Variants in NKD2 observed in about 807,000 individuals in gnomAD.
NKD2 encodes the protein NKD inhibitor of Wnt signaling pathway 2.
Under a neutral mutation model 34.8 loss-of-function variants are expected in NKD2, and 43 were observed. The ratio of observed to expected loss-of-function variants is 1.24; its 90% CI spans 0.97 to 1.60. NKD2 has a LOEUF of 1.60. NKD2 is among the 40% of genes most tolerant of loss of function. NKD2 has a pLI of 0.00. For missense variants in NKD2, 675 were observed against 627.1 expected, an observed-to-expected ratio of 1.08 and a Z score of -0.82; for synonymous variants, 278 against 265.1, an observed-to-expected ratio of 1.05 and a Z score of -0.47.
In NKD2 at chr5:1,009,061, G is replaced by A. The variant is rs1458277064; in HGVS notation, c.4G>A (p.Gly2Arg). The change falls in exon 1 of 10, where the codon GGG becomes AGG. Residue 2 changes from glycine (G) to arginine (R), a missense_variant. Transcript: ENST00000296849. The surrounding 1 kb of genome is among the most constrained non-coding windows in gnomAD (Gnocchi z 6.9). Reference sequence around the variant, plus strand: ...CCGGCGGGGCGTGGCGGCGGCGATGGGGAAACTGCAGTCGAAGCACGGTGA... The same window carrying A: ...CCGGCGGGGCGTGGCGGCGGCGATGAGGAAACTGCAGTCGAAGCACGGTGA... MGKLQSKHAAAA... is the reference protein window; with the variant it reads MRKLQSKHAAAA... The A allele has an allele frequency of 2.3e-5, 10 of 437,860 alleles. No homozygotes were observed. In the Middle Eastern group the frequency reaches 4.8e-3, roughly 210 times the overall value. The allele number at this position is 437,860 out of a possible 1,614,324, so 27.1% of individuals were successfully genotyped here. A position where few individuals can be genotyped will look rare whatever the true frequency, so the allele number is the denominator to read the frequency against.
At chr5:1,032,545 C>T (rs191717947) in intron 4 of NKD2, among the ~76,000 whole-genome samples, 55 of 152,354 alleles carry the variant, frequency 3.6e-4, no homozygotes, top group Admixed American at 1.6e-3. Flanking sequence ...CAAGTTAGCC[C>T]TGGGCTGGAG....
intron 3 of NKD2, among the ~76,000 whole-genome samples, chr5:1,020,357 CAT>C (rs974779977): frequency 6.6e-6 from 1 of 152,170 alleles, no homozygotes; most frequent in Admixed American, 6.5e-5. Flanking sequence ...GTTACACACA[CAT>C]GTACGTAGGT....
rs78721185 is a variant in NKD2 at position 1,026,523 on chromosome 5, G to C, written c.142-5629G>C. Among the ~76,000 whole-genome samples the C allele has an allele frequency of 1.5e-5, 2 of 129,442 alleles. 1 individual carries two copies. Among genetic ancestry groups the C allele is most frequent in the Admixed American group, 1.6e-4 (2 of 12,716 alleles). 84.9% of individuals were successfully genotyped at this position (129,442 alleles called of 152,430 possible). On this transcript the variant is annotated intron_variant, in intron 3 of 9. Transcript: ENST00000296849. ...CCCATTGTCCCTGCTCTTCCCACCC[G>C]CTGTGGGTGTCCCAGCCCATTGTCC...
chr5:1,021,300 G>T (rs931394672), intron 3 of NKD2, among the ~76,000 whole-genome samples: 1 of 149,470 alleles, frequency 6.7e-6, no homozygotes. Flanking sequence ...CGGCTCCCCT[G>T]CCCGGTCCCC....
chr5:1,021,462 T>C (rs1756182649), intron 3 of NKD2, among the ~76,000 whole-genome samples: 1 of 148,438 alleles, frequency 6.7e-6, no homozygotes, highest in Admixed American at 6.7e-5. Flanking sequence ...TCATAGTACT[T>C]AAATCTTTCA....
chr5:1,021,785 C>T (rs1372404694), intron 3 of NKD2, among the ~76,000 whole-genome samples: 2 of 152,036 alleles, frequency 1.3e-5, no homozygotes, highest in African/African-American at 4.8e-5. Flanking sequence ...GTGGCAGGTT[C>T]CCCCCTCCCA....
At chr5:1,035,047 G>GGTGA (rs752186705) in intron 7 of NKD2, 144 bp downstream of exon 7, 8 of 752,826 alleles carry the variant, frequency 1.1e-5, no homozygotes, top group African/African-American at 3.5e-5. Context: ...TGAGTAAGTG[G>GGTGA]GTGAGTGAGT....
chr5:1,015,768 G>A (rs1020595343), intron 3 of NKD2, among the ~76,000 whole-genome samples: 3 of 152,332 alleles, frequency 2.0e-5, no homozygotes, highest in South Asian at 4.1e-4. Context: ...GAACCCGAGG[G>A]GGCCTGTGCT....
Position 1,009,241 on chromosome 5 carries a change from C to T in NKD2, c.61+27C>T. ...TGAGCGGGCGAGCCGACGGGCGGGG[C>T]GGGGGGCGGCGACCCGGCCCGGGAC... On this transcript the variant is annotated intron_variant, in intron 2 of 9. Transcript: ENST00000296849. This position sits in a 1 kb window ranked among gnomAD's most constrained non-coding sequence, Gnocchi z 6.9. 1 of 488,970 alleles carries T rather than the reference C, an allele frequency of 2.0e-6. No homozygotes were observed. The highest frequency in any genetic ancestry group is 4.3e-5 in the Admixed American group (1 of 23,240). 30.3% of individuals were successfully genotyped at this position (488,970 alleles called of 1,614,324 possible). A position where few individuals can be genotyped will look rare whatever the true frequency, so the allele number is the denominator to read the frequency against.
rs780596798 is a variant in NKD2 at position 1,009,511 on chromosome 5, G to A, written c.92G>A (p.Ser31Asn). The change falls in exon 3 of 10, where the codon AGC (serine) becomes AAC (asparagine). Residue 31 changes from serine to asparagine, a missense_variant. By Grantham distance (46) the Ser-to-Asn change is conservative. Coordinates refer to ENST00000296849, the MANE Select transcript of NKD2 (RefSeq NM_033120.4). The surrounding 1 kb of genome is among the most constrained non-coding windows in gnomAD (Gnocchi z 6.9). ...AGCTTCGTGGCGTCCGCGTACGCGA[G>A]CGGCCGCAAAGGCGCGGAGGAAGCG... is the stretch of plus-strand genomic sequence containing the variant. ...GDSFVASAYA[S>N]GRKGAEEAER... 13 of 1,498,190 alleles carry A rather than the reference G, an allele frequency of 8.7e-6. No individual in the cohort carries two copies. The highest frequency in any genetic ancestry group is 2.1e-4 in the Middle Eastern group (1 of 4,808). 92.8% of individuals were successfully genotyped at this position (1,498,190 alleles called of 1,614,324 possible).
Position 1,009,319 on chromosome 5 carries a change from A to G in NKD2, c.61+105A>G. 1.9e-6 allele frequency: 1 copy of G among 516,518 alleles called. No individual in the cohort carries two copies. Among genetic ancestry groups the G allele is most frequent in the South Asian group, 2.9e-5 (1 of 34,224 alleles). 32.0% of individuals were successfully genotyped at this position (516,518 alleles called of 1,614,324 possible). ...CTGCCCTGGAGCCAGCAGTGGGGGG[A>G]CGGGGCCGCGGGTCTCCAGGAGCGC... On this transcript the variant is annotated intron_variant, in intron 2 of 9. Transcript: ENST00000296849. This position sits in a 1 kb window ranked among gnomAD's most constrained non-coding sequence, Gnocchi z 6.9.
rs1756442916 is a variant in NKD2 at position 1,027,021 on chromosome 5, G to T, written c.142-5131G>T. Among the ~76,000 whole-genome samples, 3 of 152,390 alleles carry T rather than the reference G, an allele frequency of 2.0e-5. No individual in the cohort carries two copies. The South Asian group carries it at 6.2e-4, about 32-fold the overall frequency. On this transcript the variant is annotated intron_variant, in intron 3 of 9. Coordinates refer to ENST00000296849, the MANE Select transcript of NKD2 (RefSeq NM_033120.4). ...AGGATTAGCCCTGCAGAACAGGGTG[G>T]CCACAGGGGTGGTGACAATGACCAC...
intron 3 of NKD2, among the ~76,000 whole-genome samples, chr5:1,019,799 A>C (rs1756103448): frequency 6.6e-6 from 1 of 152,226 alleles, no homozygotes; most frequent in Admixed American, 6.5e-5. Context: ...CTTTGGAATT[A>C]ATCTTCCTTT....
intron 3 of NKD2, among the ~76,000 whole-genome samples, chr5:1,022,301 T>C (rs866917110): frequency 0.013 from 559 of 42,384 alleles, 12 homozygotes; most frequent in African/African-American, 0.034. Context: ...CCGCTGTGGG[T>C]GTCCCAGCCC....
At chr5:1,035,163 A>G (rs1560999297) in intron 7 of NKD2, among the ~76,000 whole-genome samples, 2 of 138,048 alleles carry the variant, frequency 1.4e-5, no homozygotes, top group South Asian at 2.3e-4. Context: ...TTAATGAATG[A>G]GTGAGTGTTA....
intron 3 of NKD2, among the ~76,000 whole-genome samples, chr5:1,019,899 A>T (rs1398915299): frequency 6.6e-6 from 1 of 152,198 alleles, no homozygotes; most frequent in African/African-American, 2.4e-5. Flanking sequence ...ATAGAAGAGA[A>T]GTGGATTCGG....
At chr5:1,028,052 G>C (rs914919515) in intron 3 of NKD2, among the ~76,000 whole-genome samples, 1 of 152,196 alleles carries the variant, frequency 6.6e-6, no homozygotes, top group Non-Finnish European at 1.5e-5. Flanking sequence ...AGGAAGCTGG[G>C]GGTTGAGGTT....
chr5:1,037,368 A>G (rs1011779517), intron 9 of NKD2, among the ~76,000 whole-genome samples: 1 of 152,148 alleles, frequency 6.6e-6, no homozygotes, highest in East Asian at 1.9e-4. Flanking sequence ...TCTGCACAGG[A>G]GCTGCACCCT....
At chr5:1,037,570 G>T (rs573970470) in intron 9 of NKD2, 2 of 1,535,860 alleles carry the variant, frequency 1.3e-6, no homozygotes, top group South Asian at 2.4e-5. Flanking sequence ...ACACAGTGGG[G>T]ACAAGGCTAG....
Sources: allele counts gnomAD v4.1 joint callset (sites outside exome capture counted in the v4.1 genomes callset), GRCh38; gene constraint gnomAD v4.1.1; non-coding constraint Gnocchi (gnomAD v3.1); transcripts MANE v1.5; gene names NCBI Gene and HGNC (gene_info 2026-07-23, HGNC 2026-07-21).